Variants in ZFAT observed in about 807,000 individuals in gnomAD.
ZFAT encodes the protein zinc finger and AT-hook domain containing.
Under a neutral mutation model 117.7 loss-of-function variants are expected in ZFAT, and 64 were observed. That is an observed-to-expected ratio of 0.54 (90% CI 0.44 to 0.67). ZFAT has a LOEUF of 0.67. ZFAT is among the 30% of genes least tolerant of loss of function. The probability of loss-of-function intolerance (pLI) is 0.00; values close to 1 mark genes in which losing one functional copy is unlikely to be tolerated. For synonymous variants in ZFAT, 679 were observed against 615.0 expected (o/e 1.10, Z -1.54); for missense variants, 1,433 against 1,584.5 (o/e 0.90, Z 1.62).
chr8:134,698,947 T>C (rs545726054), intron 1 of ZFAT, among the ~76,000 whole-genome samples: 1 of 152,378 alleles, frequency 6.6e-6, no homozygotes, highest in South Asian at 2.1e-4. Context: ...CAGAATGTTT[T>C]TCTTGATTAC....
intron 12 of ZFAT, among the ~76,000 whole-genome samples, chr8:134,529,716 T>C (rs776160129): frequency 6.6e-6 from 1 of 152,184 alleles, no homozygotes; most frequent in South Asian, 2.1e-4. Context: ...AATGTGCACA[T>C]GTCCCCGCTC....
intron 10 of ZFAT, among the ~76,000 whole-genome samples, chr8:134,567,170 C>T (rs960221020): frequency 2.4e-4 from 36 of 152,200 alleles, no homozygotes; most frequent in African/African-American, 8.4e-4. Context: ...CTAAGCTGGA[C>T]ACATCTTCTT....
Position 134,712,840 on chromosome 8 carries a change from C to G in ZFAT, c.19+5G>C. Reference sequence around the variant, plus strand: ...CGTCTCACCCCAACCCCCAGCCCGGCTCACCTGCCGCCCGCGTCTCCATGG... The same window carrying G: ...CGTCTCACCCCAACCCCCAGCCCGGGTCACCTGCCGCCCGCGTCTCCATGG... On this transcript the variant is annotated splice_donor_5th_base_variant and intron_variant, in intron 1 of 15. Transcript: ENST00000377838. The G allele has an allele frequency of 6.7e-7, 1 of 1,489,840 alleles. No individual in the cohort carries two copies. The highest frequency in any genetic ancestry group is 8.9e-7 in the Non-Finnish European group (1 of 1,121,928). The allele number at this position is 1,489,840 out of a possible 1,614,324, so 92.3% of individuals were successfully genotyped here. A position where few individuals can be genotyped will look rare whatever the true frequency, so the allele number is the denominator to read the frequency against.
intron 1 of ZFAT, among the ~76,000 whole-genome samples, chr8:134,694,768 A>G (rs2131340110): frequency 6.6e-6 from 1 of 152,282 alleles, no homozygotes; most frequent in Non-Finnish European, 1.5e-5. Context: ...CCTCAAATCA[A>G]GTTGGCTCAA....
chr8:134,526,694 C>T (rs998272651), intron 12 of ZFAT, among the ~76,000 whole-genome samples: 1 of 152,150 alleles, frequency 6.6e-6, no homozygotes, highest in South Asian at 2.1e-4. Context: ...AATAATATAA[C>T]TCCCAGAATG....
At chr8:134,657,843 A>C (rs1266973455) in intron 1 of ZFAT, 106 bp from the exon 2 acceptor site, 12 of 1,212,302 alleles carry the variant, frequency 9.9e-6, no homozygotes, top group Middle Eastern at 2.7e-4. Flanking sequence ...AGCCATCACC[A>C]GCCTCTACCA....
chr8:134,626,094 GCAAAAGGCCC>G (rs1829477675), intron 3 of ZFAT, among the ~76,000 whole-genome samples: 1 of 152,198 alleles, frequency 6.6e-6, no homozygotes, highest in African/African-American at 2.4e-5. Flanking sequence ...TTCTGCCCCT[GCAAAAGGCCC>G]TGAGTACCCT....
intron 1 of ZFAT, among the ~76,000 whole-genome samples, chr8:134,660,462 G>A (rs1385256903): frequency 1.3e-5 from 2 of 152,194 alleles, no homozygotes; most frequent in Admixed American, 1.3e-4. Context: ...CCACAGGTGG[G>A]CCCCACCCCA....
intron 2 of ZFAT, among the ~76,000 whole-genome samples, chr8:134,641,963 T>C (rs754853849): frequency 2.0e-5 from 3 of 152,158 alleles, no homozygotes; most frequent in Admixed American, 6.5e-5. Flanking sequence ...TATGAAAAAA[T>C]AGCCCAACAT....
At chr8:134,649,165 T>TCTCTCACACACACA (rs1554614264) in intron 2 of ZFAT, among the ~76,000 whole-genome samples, 5 of 76,966 alleles carry the variant, frequency 6.5e-5, no homozygotes, top group African/African-American at 2.0e-4. Context: ...CATCTATCTC[T>TCTCTCACACACACA]CACACACACA....
intron 2 of ZFAT, among the ~76,000 whole-genome samples, chr8:134,648,143 G>A (rs1181019477): frequency 6.6e-6 from 1 of 151,802 alleles, no homozygotes; most frequent in Non-Finnish European, 1.5e-5. Context: ...AATCATCACT[G>A]TAAACTTACA....
chr8:134,802,165 G>A, the ZFAT span, among the ~76,000 whole-genome samples: 1 of 152,168 alleles, frequency 6.6e-6, no homozygotes, highest in Non-Finnish European at 1.5e-5. Context: ...AAAAGGCAAT[G>A]CCAAAACATG....
chr8:134,592,774 C>T (rs140939021), intron 7 of ZFAT, among the ~76,000 whole-genome samples: 1 of 152,298 alleles, frequency 6.6e-6, no homozygotes, highest in East Asian at 1.9e-4. Flanking sequence ...GAGCACCCTC[C>T]ACCTCCTTTG....
chr8:134,790,146 AGACT>A, the ZFAT span, among the ~76,000 whole-genome samples: 13,973 of 152,238 alleles, frequency 0.092, 708 homozygotes, highest in South Asian at 0.14. Context: ...AAAGGTTTTC[AGACT>A]GACTAATAGC....
intron 11 of ZFAT, among the ~76,000 whole-genome samples, chr8:134,539,686 T>C (rs893722205): frequency 6.6e-6 from 1 of 152,226 alleles, no homozygotes; most frequent in Non-Finnish European, 1.5e-5. Context: ...GGTTATGACC[T>C]ACATGAAGTG....
intron 11 of ZFAT, 91 bp downstream of exon 11, chr8:134,565,238 CAACA>C (rs1479567016): frequency 2.5e-6 from 4 of 1,585,260 alleles, no homozygotes; most frequent in African/African-American, 1.3e-5. Context: ...AAGGTAAAAC[CAACA>C]AACAATGAAA....
chr8:134,492,124 G>A (rs1818098930), intron 15 of ZFAT, among the ~76,000 whole-genome samples: 1 of 151,576 alleles, frequency 6.6e-6, no homozygotes. Flanking sequence ...TTCAAGGGGA[G>A]TCCTGGGTCC....
the ZFAT span, chr8:134,795,655 G>A: frequency 6.6e-6 from 1 of 152,210 alleles, no homozygotes; most frequent in Non-Finnish European, 1.5e-5. Context: ...CTGGAGAACA[G>A]ATAATAGATT....
At chr8:134,667,748 G>A (rs577405455) in intron 1 of ZFAT, among the ~76,000 whole-genome samples, 4 of 152,066 alleles carry the variant, frequency 2.6e-5, no homozygotes, top group Admixed American at 6.5e-5. Flanking sequence ...ACTGGGGCTC[G>A]TCGGATAGTG....
Sources: gnomAD v4.1 joint callset for allele counts (sites outside exome capture counted in the v4.1 genomes callset) on GRCh38, gnomAD v4.1.1 for gene constraint, MANE v1.5 for transcripts, NCBI Gene and HGNC (gene_info 2026-07-23, HGNC 2026-07-21) for gene names.